CRYAB: variants seen among roughly 807,000 people sequenced by gnomAD.
CRYAB encodes the protein alpha-crystallin B chain.
In CRYAB, 9 loss-of-function variants were observed where a neutral mutation model predicts 12.7. That is an observed-to-expected ratio of 0.71 (90% confidence interval 0.43 to 1.24). The LOEUF (loss-of-function observed/expected upper bound fraction) is 1.24. Among genes scored for constraint, CRYAB ranks in the 50% most tolerant of loss-of-function variants. CRYAB has a pLI of 0.00. For missense variants in CRYAB, 183 were observed against 226.6 expected, an observed-to-expected ratio of 0.81 and a Z score of 1.24; for synonymous variants, 93 against 86.8, an observed-to-expected ratio of 1.07 and a Z score of -0.40.
Position 111,908,753 on chromosome 11 carries a change from A to G in CRYAB, c.*11T>C, listed in dbSNP as rs1592505888. 1 of 1,612,066 alleles carries G rather than the reference A, an allele frequency of 6.2e-7. No individual in the cohort carries two copies. The highest frequency in any genetic ancestry group is 1.3e-5 in the African/African-American group (1 of 74,866). ...TTCTTGTTTTAAAAAATGCAATTCA[A>G]GAAAGGGCATCTATTTCTTGGGGGC... is the stretch of plus-strand genomic sequence containing the variant. On this transcript the variant is annotated 3_prime_UTR_variant, in exon 3 of 3. Coordinates refer to ENST00000650687, the MANE Select transcript of CRYAB (RefSeq NM_001289808.2).
At chr11:111,910,791 CTCT>C (rs1555165472) in intron 1 of CRYAB, 1 of 384,846 alleles carries the variant, frequency 2.6e-6, no homozygotes, top group African/African-American at 2.1e-5. Flanking sequence ...AGACAAAGGC[CTCT>C]TCTTCTGGCT....
chr11:111,919,711 T>A (rs1476539719), intron 1 of CRYAB, among the ~76,000 whole-genome samples: 3 of 152,188 alleles, frequency 2.0e-5, no homozygotes, highest in Admixed American at 2.0e-4. Context: ...TTGCCCCTCC[T>A]CCTATTTTAC....
chr11:111,923,229 CAGG>C (rs1186260994), intron 1 of CRYAB, among the ~76,000 whole-genome samples: 1 of 152,186 alleles, frequency 6.6e-6, no homozygotes, highest in Non-Finnish European at 1.5e-5. Flanking sequence ...TAGAAAAACA[CAGG>C]AGTAGTTTTT....
At chr11:111,912,709 T>C (rs925336979), upstream of CRYAB, 32 of 646,426 alleles carry the variant, frequency 5.0e-5, no homozygotes, top group Non-Finnish European at 6.7e-5. Flanking sequence ...GGCACTATTT[T>C]GGGTGGTGTC....
chr11:111,911,806 C>A, upstream of CRYAB: 1 of 910,960 alleles, frequency 1.1e-6, no homozygotes, highest in Non-Finnish European at 1.8e-6. Flanking sequence ...TATATGCAGT[C>A]TTGTGAAGCT....
upstream of CRYAB, chr11:111,913,465 C>A: frequency 1.2e-6 from 2 of 1,610,920 alleles, no homozygotes; most frequent in South Asian, 1.1e-5. Flanking sequence ...GAGATCCTGA[C>A]CCCCACACTC....
chr11:111,912,928 G>C (rs1555165780), upstream of CRYAB: 1 of 1,593,066 alleles, frequency 6.3e-7, no homozygotes, highest in East Asian at 2.3e-5. Flanking sequence ...GAGAAGGTAT[G>C]GCACAGACAC....
rs375893025 is a variant in CRYAB, at chr11:111,908,761, C to G, written c.*3G>C. On this transcript the variant is annotated 3_prime_UTR_variant, in exon 3 of 3. Coordinates refer to ENST00000650687, the MANE Select transcript of CRYAB (RefSeq NM_001289808.2). The stretch of plus-strand genomic sequence containing the variant: ...TTAAAAAATGCAATTCAAGAAAGGG[C>G]ATCTATTTCTTGGGGGCTGCGGTGA... The G allele has an allele frequency of 8.7e-6, 14 of 1,612,010 alleles. No individual in the cohort carries two copies. In the African/African-American group the frequency reaches 1.7e-4, roughly 20 times the overall value.
At chr11:111,919,301 C>A in intron 1 of CRYAB, 1 of 341,850 alleles carries the variant, frequency 2.9e-6, no homozygotes, top group Non-Finnish European at 5.6e-6. Context: ...GGTGAAACCC[C>A]GTCTCTACTG....
upstream of CRYAB, among the ~76,000 whole-genome samples, chr11:111,915,252 C>T (rs1320805126): frequency 6.6e-6 from 1 of 152,166 alleles, no homozygotes; most frequent in African/African-American, 2.4e-5. Flanking sequence ...TCACATACCC[C>T]CCTTAGGGAT....
In CRYAB at chr11:111,910,488, A is replaced by C. The variant is rs782169745; in HGVS notation, c.202-39T>G. 1.9e-6 allele frequency: 3 copies of C among 1,613,514 alleles called. No homozygotes were observed. In the South Asian group the frequency reaches 3.3e-5, roughly 18 times the overall value. On this transcript the variant is annotated intron_variant, in intron 1 of 2. Transcript: ENST00000650687. Reference sequence around the variant, plus strand: ...GGTAAGGGAATGGGATGGGAGAAAGAGGGCAAAAATACTGATTACACAGGT... The same window carrying C: ...GGTAAGGGAATGGGATGGGAGAAAGCGGGCAAAAATACTGATTACACAGGT...
At position 111,908,652 on chromosome 11, in the gene CRYAB, G is replaced by C; in HGVS notation, c.*112C>G. ...TTGCTGAATGATATTTTATTAGCTTGATAATTTGGGCCTGCCCTTAGCATT... is the reference window on the plus strand; with the variant it reads ...TTGCTGAATGATATTTTATTAGCTTCATAATTTGGGCCTGCCCTTAGCATT... On this transcript the variant is annotated 3_prime_UTR_variant, in exon 3 of 3. Transcript: ENST00000650687. 1 of 948,232 alleles carries C rather than the reference G, an allele frequency of 1.1e-6. No homozygotes were observed. The allele number at this position is 948,232 out of a possible 1,614,324, so 58.7% of individuals were successfully genotyped here.
chr11:111,915,734 C>T (rs587726579), upstream of CRYAB, among the ~76,000 whole-genome samples: 1 of 152,188 alleles, frequency 6.6e-6, no homozygotes, highest in South Asian at 2.1e-4. Flanking sequence ...TCACGGTAGT[C>T]GTTTCCATGT....
upstream of CRYAB, chr11:111,911,828 G>C: frequency 2.6e-6 from 2 of 775,462 alleles, no homozygotes; most frequent in Non-Finnish European, 4.3e-6. Flanking sequence ...CTGGAATGGT[G>C]ATGTCAGGGG....
At chr11:111,920,601 A>C (rs1965678793) in intron 1 of CRYAB, among the ~76,000 whole-genome samples, 1 of 151,614 alleles carries the variant, frequency 6.6e-6, no homozygotes, top group Non-Finnish European at 1.5e-5. Context: ...CCATCTCTAC[A>C]AAAAAATTAA....
At chr11:111,917,768 C>T (rs79613093), upstream of CRYAB, among the ~76,000 whole-genome samples, 1,045 of 151,192 alleles carry the variant, frequency 6.9e-3, 5 homozygotes, top group Middle Eastern at 0.052. Flanking sequence ...ATCTTTTGAG[C>T]GTAGGAGTTT....
At chr11:111,911,932 G>C, upstream of CRYAB, 1 of 582,452 alleles carries the variant, frequency 1.7e-6, no homozygotes, top group South Asian at 2.1e-5. Flanking sequence ...GCTAAGAAAA[G>C]AGAGACACAA....
intron 1 of CRYAB, chr11:111,910,766 TGTG>T: frequency 2.3e-6 from 1 of 432,750 alleles, no homozygotes; most frequent in East Asian, 4.9e-5. Context: ...TGCCTGGCTT[TGTG>T]GTTTGTCTGT....
At chr11:111,922,776 T>C (rs1555166646) in intron 1 of CRYAB, among the ~76,000 whole-genome samples, 4 of 152,238 alleles carry the variant, frequency 2.6e-5, no homozygotes, top group African/African-American at 9.6e-5. Flanking sequence ...TTTGTACATG[T>C]ATAATTATTT....
Sources: allele counts gnomAD v4.1 joint callset (sites outside exome capture counted in the v4.1 genomes callset), GRCh38; gene constraint gnomAD v4.1.1; transcripts MANE v1.5; gene names NCBI Gene and HGNC (gene_info 2026-07-23, HGNC 2026-07-21).